The following PRR16 variants were observed in gnomAD, a reference collection of about 807,000 sequenced individuals.
PRR16 encodes protein Largen.
In PRR16, 6 loss-of-function variants were observed where a neutral mutation model predicts 18.2. The ratio of observed to expected loss-of-function variants is 0.33; its 90% CI spans 0.18 to 0.65. PRR16 has a LOEUF of 0.65. Ranked by LOEUF, PRR16 falls within the 30% of genes least tolerant of loss-of-function variation. The pLI, the probability that PRR16 is intolerant of heterozygous loss-of-function variation, is 0.74. For synonymous variants in PRR16, 151 were observed against 147.8 expected (o/e 1.02, Z -0.16); for missense variants, 412 against 376.6 (o/e 1.09, Z -0.78).
chr5:120,759,029 T>G, the PRR16 span, among the ~76,000 whole-genome samples: 3 of 138,930 alleles, frequency 2.2e-5, no homozygotes, highest in Non-Finnish European at 4.5e-5. Context: ...CAGGCTGGAG[T>G]GCAGTGGCAC....
chr5:120,753,164 C>A, the PRR16 span, among the ~76,000 whole-genome samples: 1 of 151,692 alleles, frequency 6.6e-6, no homozygotes, highest in African/African-American at 2.4e-5. Context: ...GGGAAGTAAA[C>A]CAAAGAAATT....
At chr5:120,529,694 A>C (rs1482648966) in intron 1 of PRR16, among the ~76,000 whole-genome samples, 2 of 152,162 alleles carry the variant, frequency 1.3e-5, no homozygotes, top group African/African-American at 4.8e-5. Flanking sequence ...CATCCACTTG[A>C]AAAATGTGGC....
At chr5:120,719,053 AAT>A in the PRR16 span, among the ~76,000 whole-genome samples, 2 of 152,142 alleles carry the variant, frequency 1.3e-5, no homozygotes, top group Admixed American at 6.6e-5. Flanking sequence ...CTGTTTGGGC[AAT>A]ATGTCATAAT....
Position 120,686,471 on chromosome 5 carries a change from T to C in PRR16, c.677T>C (p.Ile226Thr). Residue 226 changes from isoleucine to threonine, a missense_variant, in exon 2 of 2, where the codon ATA becomes ACA. Ile to Thr is a moderately conservative substitution (Grantham distance 89). Transcript: ENST00000407149. ...YCPDCDTRYN[I>T]KNREVHLHSE... Reference sequence around the variant, plus strand: ...CCTGACTGTGATACCCGGTATAACATAAAAAACAGGGAGGTCCACTTACAC... The same window carrying C: ...CCTGACTGTGATACCCGGTATAACACAAAAAACAGGGAGGTCCACTTACAC... The C allele has an allele frequency of 6.2e-7, 1 of 1,613,956 alleles. No homozygotes were observed. The highest frequency in any genetic ancestry group is 8.5e-7 in the Non-Finnish European group (1 of 1,179,966).
intron 1 of PRR16, among the ~76,000 whole-genome samples, chr5:120,622,566 C>A (rs1754724562): frequency 6.6e-6 from 1 of 152,046 alleles, no homozygotes; most frequent in Admixed American, 6.6e-5. Flanking sequence ...GCAACCTCCA[C>A]CTCCTGGGTT....
chr5:120,493,627 C>T (rs988398615), intron 1 of PRR16, among the ~76,000 whole-genome samples: 1 of 152,102 alleles, frequency 6.6e-6, no homozygotes, highest in Non-Finnish European at 1.5e-5. Context: ...AGTTACAGAA[C>T]AGCACCATTG....
At chr5:120,764,205 T>G in the PRR16 span, among the ~76,000 whole-genome samples, 2 of 152,146 alleles carry the variant, frequency 1.3e-5, no homozygotes, top group African/African-American at 2.4e-5. Flanking sequence ...GTATCATACA[T>G]GGCCTTTATT....
At chr5:120,556,770 A>T (rs966090282) in intron 1 of PRR16, among the ~76,000 whole-genome samples, 6 of 152,040 alleles carry the variant, frequency 3.9e-5, no homozygotes, top group African/African-American at 1.4e-4. Flanking sequence ...AGAACTGGCT[A>T]GATTTCTGCC....
intron 1 of PRR16, among the ~76,000 whole-genome samples, chr5:120,659,845 G>T (rs1324082205): frequency 6.6e-6 from 1 of 152,004 alleles, no homozygotes; most frequent in Non-Finnish European, 1.5e-5. Context: ...CATTGAGCCA[G>T]ATCACTTGAT....
At chr5:120,481,298 G>A (rs1561508285) in intron 1 of PRR16, 1 of 445,150 alleles carries the variant, frequency 2.2e-6, no homozygotes, top group African/African-American at 2.0e-5. Flanking sequence ...GCCTGGGTAA[G>A]TTTTGTATTT....
chr5:120,706,092 G>A, the PRR16 span, among the ~76,000 whole-genome samples: 2 of 152,156 alleles, frequency 1.3e-5, no homozygotes, highest in Admixed American at 6.5e-5. Flanking sequence ...AAATGATCCC[G>A]GTAAATAATA....
intron 1 of PRR16, among the ~76,000 whole-genome samples, chr5:120,537,142 A>G (rs1442769917): frequency 6.6e-6 from 1 of 152,220 alleles, no homozygotes; most frequent in African/African-American, 2.4e-5. Context: ...AACCCTCAAG[A>G]CATGAGTTTA....
the PRR16 span, among the ~76,000 whole-genome samples, chr5:120,767,026 AAAAC>A: frequency 6.6e-6 from 1 of 152,010 alleles, no homozygotes; most frequent in Admixed American, 6.6e-5. Context: ...AAACACTAAT[AAAAC>A]AAGAATGTTT....
chr5:120,685,973 C>T lies in PRR16; in HGVS notation c.179C>T (p.Thr60Ile). 1 of 1,613,556 alleles carries T rather than the reference C, an allele frequency of 6.2e-7. No individual in the cohort carries two copies. The highest frequency in any genetic ancestry group is 8.5e-7 in the Non-Finnish European group (1 of 1,179,700). The change falls in exon 2 of 2, where the codon ACC becomes ATC. Residue 60 changes from threonine (T) to isoleucine (I), a missense_variant. Thr to Ile is a moderately conservative substitution (Grantham distance 89, BLOSUM62 -1). Transcript: ENST00000407149. Reference protein sequence around the residue: ...ELKEVVDQIDTLTSDLQLEDE... With the variant: ...ELKEVVDQIDILTSDLQLEDE... ...CACTAGGTGGTTGACCAGATTGACACCCTGACCTCTGACCTACAGCTGGAG... is the reference window on the plus strand; with the variant it reads ...CACTAGGTGGTTGACCAGATTGACATCCTGACCTCTGACCTACAGCTGGAG...
rs111544206 is a variant in PRR16, at chr5:120,550,260, G to T, written c.159+85615G>T. ...CAACATTTTTTGAGAAATAATGGATGTGCATGTTGGGTTTGAATAGCTTGT... is the reference window on the plus strand; with the variant it reads ...CAACATTTTTTGAGAAATAATGGATTTGCATGTTGGGTTTGAATAGCTTGT... On this transcript the variant is annotated intron_variant, in intron 1 of 1. Coordinates refer to ENST00000407149, the MANE Select transcript of PRR16 (RefSeq NM_001300783.2). 5.5e-3 allele frequency among the ~76,000 whole-genome samples: 834 copies of T among 152,130 alleles called. 7 individuals are homozygous for T. The highest frequency in any genetic ancestry group is 0.019 in the African/African-American group (790 of 41,520).
intron 1 of PRR16, among the ~76,000 whole-genome samples, chr5:120,593,996 G>A (rs749468411): frequency 5.9e-5 from 9 of 151,676 alleles, no homozygotes; most frequent in Non-Finnish European, 1.2e-4. Flanking sequence ...CAGAAGGAAC[G>A]TACTTCAAAA....
chr5:120,596,941 T>C (rs894389489), intron 1 of PRR16, among the ~76,000 whole-genome samples: 4 of 151,762 alleles, frequency 2.6e-5, no homozygotes, highest in Admixed American at 1.3e-4. Flanking sequence ...TATTTCTTTA[T>C]AGAATATGAA....
At chr5:120,738,784 C>A in the PRR16 span, among the ~76,000 whole-genome samples, 1 of 152,064 alleles carries the variant, frequency 6.6e-6, no homozygotes, top group Non-Finnish European at 1.5e-5. Context: ...GTAATCATAG[C>A]TTTTAGCAGA....
At chr5:120,519,660 T>A (rs1751109709) in intron 1 of PRR16, among the ~76,000 whole-genome samples, 1 of 152,100 alleles carries the variant, frequency 6.6e-6, no homozygotes, top group African/African-American at 2.4e-5. Flanking sequence ...TTTATAAACT[T>A]AAAACTCTCA....
Sources: allele counts gnomAD v4.1 joint callset (sites outside exome capture counted in the v4.1 genomes callset), GRCh38; gene constraint gnomAD v4.1.1; transcripts MANE v1.5; gene names NCBI Gene and HGNC (gene_info 2026-07-23, HGNC 2026-07-21).